The following USH2A variants were observed in gnomAD, a reference collection of about 807,000 sequenced individuals.
The protein encoded by USH2A is usherin.
Under a neutral mutation model 538.9 loss-of-function variants are expected in USH2A, and 443 were observed. That is an observed-to-expected ratio of 0.82 (90% CI 0.76 to 0.89). USH2A has a LOEUF of 0.89. Among genes scored for constraint, USH2A ranks in the 40% least tolerant of loss-of-function variants. The pLI, the probability that USH2A is intolerant of heterozygous loss-of-function variation, is 0.00. For missense variants in USH2A, 6,633 were observed against 6,324.8 expected, an observed-to-expected ratio of 1.05 and a Z score of -1.65; for synonymous variants, 2,413 against 2,273.5, an observed-to-expected ratio of 1.06 and a Z score of -1.75.
intron 35 of USH2A, among the ~76,000 whole-genome samples, chr1:215,980,587 T>C (rs1168641296): frequency 6.6e-6 from 1 of 152,170 alleles, no homozygotes; most frequent in Non-Finnish European, 1.5e-5. Context: ...TCCCTTTCCC[T>C]TCCTCACAGA....
chr1:216,258,019 AATTTTGATTGATGC>A (rs2036292115), intron 11 of USH2A, among the ~76,000 whole-genome samples: 1 of 152,048 alleles, frequency 6.6e-6, no homozygotes. Flanking sequence ...ATTCTGGATC[AATTTTGATTGATGC>A]ATTTACATCC....
rs1209006050 is a variant in USH2A at position 216,325,343 on chromosome 1, C to T, written c.1105G>A (p.Val369Met). 5.0e-6 allele frequency: 8 copies of T among 1,613,842 alleles called. No individual in the cohort carries two copies. The highest frequency in any genetic ancestry group is 5.9e-6 in the Non-Finnish European group (7 of 1,179,864). The stretch of plus-strand genomic sequence containing the variant: ...TTTTCCAAATCAACTGAAATAGTCA[C>T]TCCTTGATTAAGCTGTGTAATGTTT... ...FTNITQLNQG[V>M]TISVDLENGQ... Residue 369 changes from valine to methionine, a missense_variant, in exon 6 of 72, where the codon GTG (valine) becomes ATG (methionine). By Grantham distance (21) the Val-to-Met change is conservative. Coordinates refer to ENST00000307340, the MANE Select transcript of USH2A (RefSeq NM_206933.4).
chr1:215,951,936 C>T (rs1170336491), intron 37 of USH2A, among the ~76,000 whole-genome samples: 1 of 151,582 alleles, frequency 6.6e-6, no homozygotes, highest in South Asian at 2.1e-4. Context: ...GCAATCTCGG[C>T]TCACTGCAAG....
At chr1:215,671,437 A>C (rs1657814354) in intron 63 of USH2A, 144 bp from the exon 64 acceptor site, 6 of 955,046 alleles carry the variant, frequency 6.3e-6, no homozygotes, top group Non-Finnish European at 7.8e-6. Context: ...AACAAAGTTG[A>C]GAATGGCTTG....
chr1:215,648,042 G>A (rs888868627), intron 66 of USH2A, among the ~76,000 whole-genome samples: 2 of 152,124 alleles, frequency 1.3e-5, no homozygotes, highest in African/African-American at 4.8e-5. Context: ...AGACATAAAT[G>A]GTTCTTCTCT....
chr1:215,941,675 C>T (rs901448779), intron 37 of USH2A, among the ~76,000 whole-genome samples: 1 of 152,140 alleles, frequency 6.6e-6, no homozygotes, highest in Non-Finnish European at 1.5e-5. Context: ...GCCTGTGGTG[C>T]TACTAGGATC....
intron 11 of USH2A, 142 bp downstream of exon 11, chr1:216,289,138 G>T: frequency 1.1e-5 from 14 of 1,273,294 alleles, no homozygotes; most frequent in East Asian, 2.5e-5. Flanking sequence ...AGTTGCACAC[G>T]AACAACCATC....
chr1:216,204,744 A>G (rs2035075399), intron 16 of USH2A, among the ~76,000 whole-genome samples: 1 of 152,194 alleles, frequency 6.6e-6, no homozygotes, highest in Non-Finnish European at 1.5e-5. Context: ...GCCACGCACT[A>G]GAAATAGAGT....
chr1:216,151,045 C>T (rs1053477683), intron 21 of USH2A, among the ~76,000 whole-genome samples: 1 of 152,142 alleles, frequency 6.6e-6, no homozygotes, highest in Non-Finnish European at 1.5e-5. Context: ...ATCAGACTCT[C>T]CTCCCAGGCC....
In USH2A at chr1:216,246,613, T is replaced by C; in HGVS notation, c.2781A>G (p.Gln927=). Reference sequence around the variant, plus strand: ...GTTGACACTGATTACACCTTCTTCCTTGACGATTAGGCACACACAGGCACT... The same window carrying C: ...GTTGACACTGATTACACCTTCTTCCCTGACGATTAGGCACACACAGGCACT... The part of the protein sequence containing the change: ...SGQCLCVPNR[Q]GRRCNQCQPG... Residue 927 remains glutamine (Q), a synonymous_variant, in exon 13 of 72, where the codon CAA becomes CAG. Transcript: ENST00000307340. The C allele has an allele frequency of 6.2e-7, 1 of 1,614,082 alleles. No individual in the cohort carries two copies. Among genetic ancestry groups the C allele is most frequent in the Non-Finnish European group, 8.5e-7 (1 of 1,179,950 alleles).
chr1:216,045,440 C>T (rs1466301637), intron 32 of USH2A, among the ~76,000 whole-genome samples: 2 of 152,088 alleles, frequency 1.3e-5, no homozygotes, highest in Non-Finnish European at 1.5e-5. Context: ...CCTCTAAGAT[C>T]TAAAATTCAA....
intron 61 of USH2A, among the ~76,000 whole-genome samples, chr1:215,690,877 T>A (rs531955315): frequency 6.6e-6 from 1 of 152,226 alleles, no homozygotes; most frequent in Admixed American, 6.5e-5. Flanking sequence ...AGCACTGCAG[T>A]AGCCTCAGTT....
At chr1:216,302,160 A>C (rs757254627) in intron 9 of USH2A, among the ~76,000 whole-genome samples, 6 of 152,234 alleles carry the variant, frequency 3.9e-5, no homozygotes, top group Non-Finnish European at 7.3e-5. Flanking sequence ...ACACAGATAA[A>C]GTGCCCAACT....
chr1:216,038,974 A>G (rs560643699), intron 32 of USH2A, among the ~76,000 whole-genome samples: 2 of 152,188 alleles, frequency 1.3e-5, no homozygotes, highest in Admixed American at 1.3e-4. Context: ...TTAGGTTAAC[A>G]GATCATATAA....
chr1:215,826,911 T>C (rs1663172977), intron 47 of USH2A, among the ~76,000 whole-genome samples: 1 of 152,166 alleles, frequency 6.6e-6, no homozygotes, highest in South Asian at 2.1e-4. Flanking sequence ...AATCAGTGTT[T>C]AATAAACTTA....
intron 61 of USH2A, among the ~76,000 whole-genome samples, chr1:215,727,556 C>A (rs1474876165): frequency 2.6e-5 from 4 of 151,876 alleles, no homozygotes; most frequent in Non-Finnish European, 4.4e-5. Flanking sequence ...GTGAAAACCC[C>A]TCTCTATTAA....
chr1:216,005,802 C>G (rs1300951119), intron 32 of USH2A, among the ~76,000 whole-genome samples: 1 of 152,010 alleles, frequency 6.6e-6, no homozygotes, highest in African/African-American at 2.4e-5. Context: ...AAAAACAAAA[C>G]AGGAGATAGT....
chr1:216,121,550 T>C (rs2033139540), intron 21 of USH2A, among the ~76,000 whole-genome samples: 1 of 152,218 alleles, frequency 6.6e-6, no homozygotes, highest in Non-Finnish European at 1.5e-5. Context: ...CAGTCATGTT[T>C]GCATTAATGC....
chr1:216,093,306 T>C lies in USH2A; in HGVS notation c.4758+3777A>G, dbSNP rs930844509. Among the ~76,000 whole-genome samples the C allele has an allele frequency of 2.6e-5, 4 of 152,176 alleles. 1 individual carries two copies. The highest frequency in any genetic ancestry group is 4.1e-4 in the South Asian group (2 of 4,828). On this transcript the variant is annotated intron_variant, in intron 22 of 71. Coordinates refer to ENST00000307340, the MANE Select transcript of USH2A (RefSeq NM_206933.4). ...ATACTTGGCTGGCACCTGCGGACTA[T>C]GTATACAGCTTAGGGTTTGGCTATA...
Sources: allele counts gnomAD v4.1 joint callset (sites outside exome capture counted in the v4.1 genomes callset), GRCh38; gene constraint gnomAD v4.1.1; transcripts MANE v1.5; gene names NCBI Gene and HGNC (gene_info 2026-07-23, HGNC 2026-07-21).